Variants in PLEKHG4B observed in about 807,000 individuals in gnomAD.
PLEKHG4B encodes pleckstrin homology domain-containing family G member 4B.
Under a neutral mutation model 121.3 loss-of-function variants are expected in PLEKHG4B, and 111 were observed. The observed-to-expected ratio is 0.92, with a 90% CI of 0.78 to 1.07. PLEKHG4B has a LOEUF of 1.07. PLEKHG4B is among the 50% of genes least tolerant of loss of function. The pLI, the probability that PLEKHG4B is intolerant of heterozygous loss-of-function variation, is 0.00. For synonymous variants in PLEKHG4B, 738 were observed against 725.0 expected (o/e 1.02, Z -0.29); for missense variants, 1,831 against 1,757.8 (o/e 1.04, Z -0.74).
At chr5:169,196 C>T in intron 13 of PLEKHG4B, 144 bp from the exon 14 acceptor site, 1 of 1,145,628 alleles carries the variant, frequency 8.7e-7, no homozygotes, top group Non-Finnish European at 1.2e-6. Flanking sequence ...ATCGTGCATC[C>T]CACATGTGCC....
chr5:156,266 G>C lies in PLEKHG4B; in HGVS notation c.2348+56G>C. On this transcript the variant is annotated intron_variant, in intron 10 of 19. Coordinates refer to ENST00000637938, the MANE Select transcript of PLEKHG4B (RefSeq NM_052909.5). The surrounding 1 kb of genome is among the most constrained non-coding windows in gnomAD (Gnocchi z 4.4). ...TGGCCCATCGAGGGAGCTGCTCGGG[G>C]GAGTTTGCACCAGGAGGCGTAGCGC... 1.5e-6 allele frequency: 2 copies of C among 1,368,972 alleles called. No homozygotes were observed. Among genetic ancestry groups the C allele is most frequent in the Non-Finnish European group, 1.9e-6 (2 of 1,055,626 alleles). The allele number at this position is 1,368,972 out of a possible 1,614,324, so 84.8% of individuals were successfully genotyped here.
chr5:102,858 G>A (rs148823413), intron 1 of PLEKHG4B, among the ~76,000 whole-genome samples: 166 of 152,334 alleles, frequency 1.1e-3, no homozygotes, highest in African/African-American at 3.9e-3. Context: ...CCCTGCCTGG[G>A]CGACATCTGT....
At position 107,399 on chromosome 5, in the gene PLEKHG4B, C is replaced by T. The variant is rs531477917; in HGVS notation, c.46-5852C>T. 1.3e-3 allele frequency among the ~76,000 whole-genome samples: 203 copies of T among 152,354 alleles called. 1 individual carries two copies. The highest frequency in any genetic ancestry group is 4.7e-3 in the African/African-American group (194 of 41,580). On this transcript the variant is annotated intron_variant, in intron 1 of 19. Transcript: ENST00000637938. Reference sequence around the variant, plus strand: ...TGTCCTGCCATTGTAAGTTGCACGACGTTGCCCCTGAGGCCTCCAGCAAGC... The same window carrying T: ...TGTCCTGCCATTGTAAGTTGCACGATGTTGCCCCTGAGGCCTCCAGCAAGC...
chr5:176,548 G>A (rs987227678), intron 18 of PLEKHG4B, among the ~76,000 whole-genome samples: 5 of 152,232 alleles, frequency 3.3e-5, no homozygotes, highest in African/African-American at 9.6e-5. Flanking sequence ...AGACAGAAAC[G>A]GTTGCAGCCA....
intron 13 of PLEKHG4B, among the ~76,000 whole-genome samples, chr5:163,919 A>T (rs1442714665): frequency 6.6e-6 from 1 of 152,228 alleles, no homozygotes. Context: ...AAAGTCTCTT[A>T]AGTGTTAGGG....
At position 101,230 on chromosome 5, in the gene PLEKHG4B, A is replaced by G. The variant is rs1026595818; in HGVS notation, c.45+8954A>G. On this transcript the variant is annotated intron_variant, in intron 1 of 19. Coordinates refer to ENST00000637938, the MANE Select transcript of PLEKHG4B (RefSeq NM_052909.5). ...AGACTGTTGTGAGGTTAATCCATAT[A>G]AAGCCCTGGAAAAAGTCTGTAGGGG... 3.9e-5 allele frequency among the ~76,000 whole-genome samples: 5 copies of G among 128,404 alleles called. 2 individuals are homozygous for G. The highest frequency in any genetic ancestry group is 1.5e-4 in the Admixed American group (2 of 13,766). 84.2% of individuals were successfully genotyped at this position (128,404 alleles called of 152,430 possible). A position where few individuals can be genotyped will look rare whatever the true frequency, so the allele number is the denominator to read the frequency against.
In PLEKHG4B at chr5:187,451, TTAGA is replaced by T. The variant is rs368655098; in HGVS notation, c.*5130_*5133del. ...AGGGAGCCCTAAGAACCTGAGAGAC[TTAGA>T]TGGAGCATGGCACGCCCTGGAGAGT... On this transcript the variant is annotated 3_prime_UTR_variant, in exon 20 of 20. Transcript: ENST00000637938. The T allele has an allele frequency of 6.6e-6, 1 of 152,324 alleles. No individual in the cohort carries two copies. Among genetic ancestry groups the T allele is most frequent in the East Asian group, 1.9e-4 (1 of 5,150 alleles). The allele number at this position is 152,324 out of a possible 1,614,324, so 9.4% of individuals were successfully genotyped here.
chr5:110,740 T>C (rs1475633104), intron 1 of PLEKHG4B, among the ~76,000 whole-genome samples: 7 of 152,106 alleles, frequency 4.6e-5, no homozygotes, highest in Non-Finnish European at 1.0e-4. Flanking sequence ...CCAGCCACTC[T>C]GCAACAAACG....
In PLEKHG4B at chr5:107,666, G is replaced by T. The variant is rs952164524; in HGVS notation, c.46-5585G>T. ...GGTCTGGCCTCACCCTGAACTGTGA[G>T]TCCCTGGAGGACGGGGGTTGCCCTG... On this transcript the variant is annotated intron_variant, in intron 1 of 19. Coordinates refer to ENST00000637938, the MANE Select transcript of PLEKHG4B (RefSeq NM_052909.5). Among the ~76,000 whole-genome samples the T allele has an allele frequency of 4.6e-5, 7 of 152,240 alleles. No individual in the cohort carries two copies. The East Asian group carries it at 1.3e-3, about 29-fold the overall frequency.
chr5:142,443 A>G (rs1735240605), intron 3 of PLEKHG4B, among the ~76,000 whole-genome samples: 1 of 151,218 alleles, frequency 6.6e-6, no homozygotes, highest in Non-Finnish European at 1.5e-5. Flanking sequence ...CACAGTCACC[A>G]GTCACATGCT....
Position 162,804 on chromosome 5 carries a change from AGGCTACCTCGGT to A in PLEKHG4B, c.2737_2748del (p.Thr913_Ala916del), listed in dbSNP as rs1349788148. The A allele has an allele frequency of 6.0e-6, 9 of 1,500,776 alleles. No individual in the cohort carries two copies. Among genetic ancestry groups the A allele is most frequent in the Middle Eastern group, 1.8e-4 (1 of 5,552 alleles). 93.0% of individuals were successfully genotyped at this position (1,500,776 alleles called of 1,614,324 possible). On this transcript the variant is annotated inframe_deletion, in exon 13 of 20. Transcript: ENST00000637938. ...GAGTGTTTGAGGAGCTGTCACCAGGAGGCTACCTCGGTGGCTGCAGAGGCCTTCCCCGGGGCA... is the reference window on the plus strand; with the variant it reads ...GAGTGTTTGAGGAGCTGTCACCAGGAGGCTGCAGAGGCCTTCCCCGGGGCA...
intron 11 of PLEKHG4B, among the ~76,000 whole-genome samples, chr5:160,572 G>C (rs1208196304): frequency 6.6e-6 from 1 of 152,166 alleles, no homozygotes; most frequent in Non-Finnish European, 1.5e-5. Flanking sequence ...GCTTTAGACA[G>C]TTTTTCTAGG....
At position 96,339 on chromosome 5, in the gene PLEKHG4B, G is replaced by A. The variant is rs115139952; in HGVS notation, c.45+4063G>A. 2.3e-3 allele frequency among the ~76,000 whole-genome samples: 344 copies of A among 152,166 alleles called. 2 individuals carry two copies. The highest frequency in any genetic ancestry group is 7.8e-3 in the African/African-American group (322 of 41,516). ...GAGAGAGATGGAGATTTTTCTAGAA[G>A]TAAGGAAAAAAGAATGAGTTCCAAT... On this transcript the variant is annotated intron_variant, in intron 1 of 19. Coordinates refer to ENST00000637938, the MANE Select transcript of PLEKHG4B (RefSeq NM_052909.5).
At chr5:141,774 G>A (rs1167617767) in intron 3 of PLEKHG4B, among the ~76,000 whole-genome samples, 1 of 133,252 alleles carries the variant, frequency 7.5e-6, no homozygotes, top group Non-Finnish European at 1.5e-5. Context: ...CAGTGATTTT[G>A]GAAAGAAGGA....
At chr5:164,528 G>A (rs422181) in intron 13 of PLEKHG4B, among the ~76,000 whole-genome samples, 2 of 67,454 alleles carry the variant, frequency 3.0e-5, no homozygotes, top group Admixed American at 2.5e-4. Flanking sequence ...CAGTAATGCT[G>A]TGACAGGGGG....
At position 154,879 on chromosome 5, in the gene PLEKHG4B, A is replaced by G; in HGVS notation, c.1997A>G (p.Glu666Gly). 2 of 1,613,362 alleles carry G rather than the reference A, an allele frequency of 1.2e-6. No individual in the cohort carries two copies. Among genetic ancestry groups the G allele is most frequent in the Admixed American group, 1.7e-5 (1 of 60,020 alleles). Residue 666 changes from glutamate to glycine, a missense_variant, in exon 8 of 20, where the codon GAG becomes GGG. Transcript: ENST00000637938. Reference sequence around the variant, plus strand: ...ACGAGTGCCTCTTCTTGGCAGTGTGAGGTCGTGAGCTCCCTGAAGGCCGTG... The same window carrying G: ...ACGAGTGCCTCTTCTTGGCAGTGTGGGGTCGTGAGCTCCCTGAAGGCCGTG... ...RPDKDAIIQC[E>G]VVSSLKAVHK...
In PLEKHG4B at chr5:133,139, AT is replaced by A. The variant is rs1734826580; in HGVS notation, c.244-6338del. Among the ~76,000 whole-genome samples, 3 of 151,950 alleles carry A rather than the reference AT, an allele frequency of 2.0e-5. No homozygotes were observed. The South Asian group carries it at 6.3e-4, about 32-fold the overall frequency. On this transcript the variant is annotated intron_variant, in intron 2 of 19. Transcript: ENST00000637938. Reference sequence around the variant, plus strand: ...GTTAGGTATATTCCTAATTATTTTAATTTTTTGCAGCTATTATAAAAGGGGT... The same window carrying A: ...GTTAGGTATATTCCTAATTATTTTAATTTTTGCAGCTATTATAAAAGGGGT...
At chr5:118,798 TTA>T (rs149558716) in intron 2 of PLEKHG4B, among the ~76,000 whole-genome samples, 5 of 151,068 alleles carry the variant, frequency 3.3e-5, no homozygotes, top group Non-Finnish European at 7.4e-5. Flanking sequence ...TTGTCATATA[TTA>T]TATATATATA....
rs1420461225 is a variant in PLEKHG4B at position 156,072 on chromosome 5, A to C, written c.2210A>C (p.Glu737Ala). 6.3e-7 allele frequency: 1 copy of C among 1,578,856 alleles called. No individual in the cohort carries two copies. The highest frequency in any genetic ancestry group is 1.2e-5 in the South Asian group (1 of 85,758). The change falls in exon 10 of 20, where the codon GAA (glutamate) becomes GCA (alanine). Residue 737 changes from glutamate (E) to alanine (A), a missense_variant and splice_region_variant. By Grantham distance (107) the Glu-to-Ala change is moderately radical. Coordinates refer to ENST00000637938, the MANE Select transcript of PLEKHG4B (RefSeq NM_052909.5). This position sits in a 1 kb window ranked among gnomAD's most constrained non-coding sequence, Gnocchi z 4.4. ...NTHRTPRTAQEVAELIDQHET... is the reference protein window; with the variant it reads ...NTHRTPRTAQAVAELIDQHET... ...CTTATTCCTCCCCATCCCGTGCAGGAAGTCGCCGAGTTAATTGACCAGCAT... is the reference window on the plus strand; with the variant it reads ...CTTATTCCTCCCCATCCCGTGCAGGCAGTCGCCGAGTTAATTGACCAGCAT...
Sources: allele counts gnomAD v4.1 joint callset (sites outside exome capture counted in the v4.1 genomes callset), GRCh38; gene constraint gnomAD v4.1.1; non-coding constraint Gnocchi (gnomAD v3.1); transcripts MANE v1.5; gene names NCBI Gene and HGNC (gene_info 2026-07-23, HGNC 2026-07-21).